Variants in CYTH1 observed in about 807,000 individuals in gnomAD.
CYTH1 encodes cytohesin 1, also known as cytohesin-1.
CYTH1 carries 18 observed loss-of-function variants against 61.8 expected under a neutral mutation model. The ratio of observed to expected loss-of-function variants is 0.29; its 90% confidence interval spans 0.20 to 0.43. The LOEUF (loss-of-function observed/expected upper bound fraction) is 0.43. Among genes scored for constraint, CYTH1 ranks in the 20% least tolerant of loss-of-function variants. CYTH1 has a pLI of 1.00. For synonymous variants in CYTH1, 174 were observed against 184.3 expected (o/e 0.94, Z 0.45); for missense variants, 336 against 510.5 (o/e 0.66, Z 3.29).
chr17:78,700,128 G>A lies in CYTH1; in HGVS notation c.550+203C>T, dbSNP rs188033060. Reference sequence around the variant, plus strand: ...GTTTTTAATAGCTGTGTATTTCGTAGTTCAGAGGTACCACAATTTAAATTC... The same window carrying A: ...GTTTTTAATAGCTGTGTATTTCGTAATTCAGAGGTACCACAATTTAAATTC... On this transcript the variant is annotated intron_variant, in intron 7 of 13. Transcript: ENST00000446868. The surrounding 1 kb of genome is among the most constrained non-coding windows in gnomAD (Gnocchi z 5.1). 1.7e-3 allele frequency among the ~76,000 whole-genome samples: 261 copies of A among 152,246 alleles called. No individual in the cohort carries two copies. The highest frequency in any genetic ancestry group is 6.0e-3 in the African/African-American group (251 of 41,526).
chr17:78,730,858 G>A (rs1384293591), intron 1 of CYTH1, among the ~76,000 whole-genome samples: 1 of 151,862 alleles, frequency 6.6e-6, no homozygotes, highest in African/African-American at 2.4e-5. Context: ...TAGAGATGGG[G>A]TTTCACCGTG....
chr17:78,718,862 T>C (rs2093204836), intron 1 of CYTH1, among the ~76,000 whole-genome samples: 1 of 152,356 alleles, frequency 6.6e-6, no homozygotes, highest in East Asian at 1.9e-4. Flanking sequence ...CTTTCCTTTA[T>C]CTGCATACCC....
intron 1 of CYTH1, among the ~76,000 whole-genome samples, chr17:78,762,020 T>C (rs936067245): frequency 6.6e-6 from 1 of 152,186 alleles, no homozygotes; most frequent in East Asian, 1.9e-4. Context: ...TCATGTGACA[T>C]GGGGGAAAAC....
At chr17:78,732,045 G>A (rs1437563667) in intron 1 of CYTH1, among the ~76,000 whole-genome samples, 2 of 152,148 alleles carry the variant, frequency 1.3e-5, no homozygotes, top group African/African-American at 2.4e-5. Flanking sequence ...GGATGAAAAC[G>A]GGAATCTCTG....
At chr17:78,687,678 C>T (rs1356401328) in intron 11 of CYTH1, among the ~76,000 whole-genome samples, 3 of 152,234 alleles carry the variant, frequency 2.0e-5, no homozygotes, top group Non-Finnish European at 4.4e-5. Flanking sequence ...CCAGTGTTCA[C>T]TCATCACCCC....
intron 1 of CYTH1, among the ~76,000 whole-genome samples, chr17:78,758,077 C>T (rs2093408930): frequency 6.6e-6 from 1 of 152,150 alleles, no homozygotes; most frequent in Non-Finnish European, 1.5e-5. Context: ...AACTCCCTAA[C>T]CCAGTAAGTC....
chr17:78,722,198 T>C (rs1390846675), intron 1 of CYTH1, among the ~76,000 whole-genome samples: 1 of 152,244 alleles, frequency 6.6e-6, no homozygotes, highest in Non-Finnish European at 1.5e-5. Context: ...ACATCCGCTT[T>C]CAATAAAAGC....
At position 78,674,927 on chromosome 17, in the gene CYTH1, C is replaced by T. The variant is rs915087530; in HGVS notation, c.*1164G>A. 1 of 153,640 alleles carries T rather than the reference C, an allele frequency of 6.5e-6. No individual in the cohort carries two copies. Among genetic ancestry groups the T allele is most frequent in the African/African-American group, 2.4e-5 (1 of 41,492 alleles). 9.5% of individuals were successfully genotyped at this position (153,640 alleles called of 1,614,324 possible). A position where few individuals can be genotyped will look rare whatever the true frequency, so the allele number is the denominator to read the frequency against. ...GATGCGAGAGGCAGCCCGGCCACCC[C>T]CCTCACTCCAGTGCACCCCACGGAG... On this transcript the variant is annotated 3_prime_UTR_variant, in exon 14 of 14. Transcript: ENST00000446868.
At chr17:78,777,842 AAAAG>A (rs1304730025) in intron 1 of CYTH1, among the ~76,000 whole-genome samples, 4 of 151,928 alleles carry the variant, frequency 2.6e-5, no homozygotes, top group African/African-American at 9.7e-5. Flanking sequence ...AAAAAAAAAA[AAAAG>A]AAAGAATTCT....
At chr17:78,744,892 G>A (rs1024993699) in intron 1 of CYTH1, among the ~76,000 whole-genome samples, 7 of 148,712 alleles carry the variant, frequency 4.7e-5, no homozygotes, top group Admixed American at 2.0e-4. Context: ...TTTGTTTTAT[G>A]TACACAATTT....
intron 11 of CYTH1, among the ~76,000 whole-genome samples, chr17:78,690,848 C>T (rs1309243529): frequency 2.0e-5 from 3 of 152,132 alleles, no homozygotes; most frequent in Non-Finnish European, 4.4e-5. Flanking sequence ...CGTAGCATTG[C>T]TATAGGATTG....
intron 1 of CYTH1, among the ~76,000 whole-genome samples, chr17:78,750,678 C>T (rs1373449305): frequency 1.3e-5 from 2 of 151,546 alleles, no homozygotes; most frequent in South Asian, 2.1e-4. Flanking sequence ...AGGTGGTGGG[C>T]GCCTGTAATC....
intron 1 of CYTH1, among the ~76,000 whole-genome samples, chr17:78,729,046 AAAC>A (rs1456424860): frequency 6.6e-6 from 1 of 152,240 alleles, no homozygotes; most frequent in African/African-American, 2.4e-5. Context: ...GCTAAAAGGT[AAAC>A]AACTAGGACA....
intron 1 of CYTH1, among the ~76,000 whole-genome samples, chr17:78,739,434 G>C (rs1055116527): frequency 1.3e-5 from 2 of 152,182 alleles, no homozygotes; most frequent in African/African-American, 4.8e-5. Context: ...ACTGTGGAGT[G>C]GGGGAAGTGG....
chr17:78,764,099 A>C (rs760613199), intron 1 of CYTH1, among the ~76,000 whole-genome samples: 39 of 152,220 alleles, frequency 2.6e-4, no homozygotes, highest in Non-Finnish European at 1.6e-4. Flanking sequence ...TGACAGAGCG[A>C]GAGTCTGTCT....
chr17:78,778,639 A>C (rs2093503434), intron 1 of CYTH1, among the ~76,000 whole-genome samples: 1 of 56,162 alleles, frequency 1.8e-5, no homozygotes, highest in Non-Finnish European at 5.2e-5. Flanking sequence ...CTCCATCTCA[A>C]AAAAAAAAAA....
intron 12 of CYTH1, 77 bp from the exon 13 acceptor site, chr17:78,680,421 A>C (rs923277937): frequency 1.4e-6 from 2 of 1,469,822 alleles, no homozygotes; most frequent in Non-Finnish European, 1.8e-6. Flanking sequence ...TTCTTTCCCC[A>C]AAACCCCTTT....
chr17:78,677,202 G>T (rs1396361470), intron 13 of CYTH1: 3 of 398,210 alleles, frequency 7.5e-6, no homozygotes, highest in African/African-American at 6.2e-5. Context: ...GAATCTGGCG[G>T]CCGGGACACC....
chr17:78,705,581 G>A (rs764574760), intron 3 of CYTH1, among the ~76,000 whole-genome samples: 11 of 152,028 alleles, frequency 7.2e-5, no homozygotes, highest in East Asian at 1.9e-4. Flanking sequence ...TCAGATCGTC[G>A]ATGAGAAACA....
Sources: allele counts gnomAD v4.1 joint callset (sites outside exome capture counted in the v4.1 genomes callset), GRCh38; gene constraint gnomAD v4.1.1; non-coding constraint Gnocchi (gnomAD v3.1); transcripts MANE v1.5; gene names NCBI Gene and HGNC (gene_info 2026-07-23, HGNC 2026-07-21).